The following NEGR1 variants were observed in gnomAD, a reference collection of about 807,000 sequenced individuals.
NEGR1 encodes the protein IgLON family member 4.
NEGR1 carries 10 observed loss-of-function variants against 40.9 expected under a neutral mutation model. That is an observed-to-expected ratio of 0.24 (90% CI 0.15 to 0.42). The LOEUF (loss-of-function observed/expected upper bound fraction) is 0.42, where lower values mean the gene tolerates loss of function less well. NEGR1 is among the 10% of genes least tolerant of loss of function. The pLI is 1.00. For missense variants in NEGR1, 352 were observed against 438.9 expected (o/e 0.80, Z 1.77); for synonymous variants, 185 against 166.8 (o/e 1.11, Z -0.84).
intron 3 of NEGR1, among the ~76,000 whole-genome samples, chr1:71,751,095 G>A (rs1288276986): frequency 6.8e-6 from 1 of 147,634 alleles, no homozygotes; most frequent in Non-Finnish European, 1.5e-5. Context: ...TTTTTTTTTT[G>A]TTCTTTCTTT....
intron 4 of NEGR1, among the ~76,000 whole-genome samples, chr1:71,680,033 T>C (rs772518931): frequency 9.2e-5 from 14 of 152,088 alleles, no homozygotes; most frequent in Non-Finnish European, 1.8e-4. Context: ...ATATCTTGTT[T>C]AGAATCTTTG....
intron 1 of NEGR1, among the ~76,000 whole-genome samples, chr1:72,222,167 T>C (rs1269031734): frequency 6.6e-6 from 1 of 152,008 alleles, no homozygotes; most frequent in Non-Finnish European, 1.5e-5. Flanking sequence ...TCAGCCCCTA[T>C]GGAAATAGGC....
rs184621122 is a variant in NEGR1, at chr1:71,618,964, T to C, written c.668-7818A>G. On this transcript the variant is annotated intron_variant, in intron 4 of 6. Coordinates refer to ENST00000357731, the MANE Select transcript of NEGR1 (RefSeq NM_173808.3). The stretch of plus-strand genomic sequence containing the variant: ...GTATTCTACATCATAGGTTATGTTG[T>C]CCGTGACTTTTAAGGTGAACTGTCA... 1.1e-4 allele frequency among the ~76,000 whole-genome samples: 16 copies of C among 152,264 alleles called. 2 individuals carry two copies. The East Asian group carries it at 3.1e-3, about 29-fold the overall frequency.
rs372988302 is a variant in NEGR1, at chr1:71,489,633, A to G, written c.941-82063T>C. On this transcript the variant is annotated intron_variant, in intron 6 of 6. Transcript: ENST00000357731. ...CATGATTTAATGTCAAGTCTTTCAGACCACAAAATCTGTTCTTCTGCTTAA... is the reference window on the plus strand; with the variant it reads ...CATGATTTAATGTCAAGTCTTTCAGGCCACAAAATCTGTTCTTCTGCTTAA... 11 of 151,978 alleles carry G rather than the reference A, an allele frequency of 7.2e-5. No individual in the cohort carries two copies. The East Asian group carries it at 1.6e-3, about 21-fold the overall frequency. The allele number at this position is 151,978 out of a possible 1,614,324, so 9.4% of individuals were successfully genotyped here. A position where few individuals can be genotyped will look rare whatever the true frequency, so the allele number is the denominator to read the frequency against.
At chr1:71,742,809 G>T (rs142001804) in intron 3 of NEGR1, among the ~76,000 whole-genome samples, 85 of 152,260 alleles carry the variant, frequency 5.6e-4, no homozygotes, top group African/African-American at 1.9e-3. Flanking sequence ...GGGATTAAAT[G>T]AATGTATTTT....
rs796636720 is a variant in NEGR1, at chr1:72,047,855, TAA to T, written c.177-112546_177-112545del. Among the ~76,000 whole-genome samples, 54 of 151,614 alleles carry T rather than the reference TAA, an allele frequency of 3.6e-4. 1 individual carries two copies. The highest frequency in any genetic ancestry group is 1.3e-3 in the African/African-American group (53 of 41,446). On this transcript the variant is annotated intron_variant, in intron 1 of 6. Coordinates refer to ENST00000357731, the MANE Select transcript of NEGR1 (RefSeq NM_173808.3). ...ATTTTTACTACACATTGGTAGACAT[TAA>T]GTCTTTCCTCAAGCAGATGAAATAT...
Position 72,022,260 on chromosome 1 carries a change from C to CATATATATAT in NEGR1, c.177-86959_177-86950dup, listed in dbSNP as rs59160727. Among the ~76,000 whole-genome samples, 187 of 111,626 alleles carry CATATATATAT rather than the reference C, an allele frequency of 1.7e-3. 1 individual carries two copies. Among genetic ancestry groups the CATATATATAT allele is most frequent in the Non-Finnish European group, 2.2e-3 (114 of 51,920 alleles). 73.2% of individuals were successfully genotyped at this position (111,626 alleles called of 152,430 possible). ...ACAATAGAAAATTATAAACAATTTT[C>CATATATATAT]ATATATATATATATATATATATATA... On this transcript the variant is annotated intron_variant, in intron 1 of 6. Transcript: ENST00000357731.
intron 1 of NEGR1, among the ~76,000 whole-genome samples, chr1:72,117,701 A>G (rs1244667459): frequency 6.6e-6 from 1 of 151,728 alleles, no homozygotes; most frequent in Non-Finnish European, 1.5e-5. Context: ...TTTATTCCGC[A>G]ATGGAAAATA....
At chr1:71,834,909 A>ACACACACACAC (rs1553168608) in intron 2 of NEGR1, among the ~76,000 whole-genome samples, 2 of 151,746 alleles carry the variant, frequency 1.3e-5, no homozygotes, top group African/African-American at 2.4e-5. Flanking sequence ...ACACACACAC[A>ACACACACACAC]GCAGTTATCT....
At position 71,799,754 on chromosome 1, in the gene NEGR1, C is replaced by A. The variant is rs540316074; in HGVS notation, c.410-23457G>T. Reference sequence around the variant, plus strand: ...TTGAGATGGAGTCTGGCTCTGTCACCCAGGCTGGAGTGCAGAGGCACGATC... The same window carrying A: ...TTGAGATGGAGTCTGGCTCTGTCACACAGGCTGGAGTGCAGAGGCACGATC... On this transcript the variant is annotated intron_variant, in intron 2 of 6. Transcript: ENST00000357731. Among the ~76,000 whole-genome samples, 205 of 152,106 alleles carry A rather than the reference C, an allele frequency of 1.3e-3. 1 individual carries two copies. The highest frequency in any genetic ancestry group is 4.8e-3 in the African/African-American group (198 of 41,496).
intron 1 of NEGR1, among the ~76,000 whole-genome samples, chr1:72,112,724 A>G (rs996354341): frequency 6.6e-6 from 1 of 151,550 alleles, no homozygotes; most frequent in African/African-American, 2.4e-5. Flanking sequence ...TCTGAAGGTT[A>G]CCAGTAGGCT....
intron 2 of NEGR1, among the ~76,000 whole-genome samples, chr1:71,863,200 A>C (rs1309374014): frequency 1.3e-5 from 2 of 152,208 alleles, no homozygotes; most frequent in Non-Finnish European, 2.9e-5. Flanking sequence ...AATCACTCCA[A>C]ATGCCCATCA....
At chr1:71,646,907 T>C (rs1225657287) in intron 4 of NEGR1, among the ~76,000 whole-genome samples, 1 of 151,584 alleles carries the variant, frequency 6.6e-6, no homozygotes, top group African/African-American at 2.4e-5. Context: ...TTAATATTTC[T>C]ACTAATAATT....
chr1:72,144,074 GAT>G (rs1261345865), intron 1 of NEGR1, among the ~76,000 whole-genome samples: 2 of 2,770 alleles, frequency 7.2e-4, no homozygotes, highest in Non-Finnish European at 2.1e-3. Context: ...TGTGAGGTAA[GAT>G]TTTTTTTTTA....
chr1:71,666,769 A>C (rs558358409), intron 4 of NEGR1, among the ~76,000 whole-genome samples: 1 of 152,308 alleles, frequency 6.6e-6, no homozygotes, highest in South Asian at 2.1e-4. Context: ...AGGGCTGAGT[A>C]ACTCCTGGAT....
chr1:71,611,955 G>T (rs2101543522), intron 4 of NEGR1, among the ~76,000 whole-genome samples: 1 of 152,310 alleles, frequency 6.6e-6, no homozygotes, highest in African/African-American at 2.4e-5. Flanking sequence ...GAGTGCGGTG[G>T]CTCACGCCTG....
chr1:71,888,436 G>T (rs980576980), intron 2 of NEGR1, among the ~76,000 whole-genome samples: 1 of 152,018 alleles, frequency 6.6e-6, no homozygotes, highest in East Asian at 2.0e-4. Flanking sequence ...TTCCCTTTCC[G>T]AGTCAAAGAA....
In NEGR1 at chr1:71,617,621, T is replaced by A. The variant is rs190136811; in HGVS notation, c.668-6475A>T. Among the ~76,000 whole-genome samples, 106 of 152,302 alleles carry A rather than the reference T, an allele frequency of 7.0e-4. 1 individual carries two copies. The highest frequency in any genetic ancestry group is 2.4e-3 in the African/African-American group (101 of 41,568). On this transcript the variant is annotated intron_variant, in intron 4 of 6. Transcript: ENST00000357731. ...CACTATTCGGGTCAAATAGGTCACT[T>A]CTGAATGTAAGTCTACACACCGTGT...
intron 1 of NEGR1, among the ~76,000 whole-genome samples, chr1:72,032,518 A>T (rs1646867222): frequency 6.6e-6 from 1 of 152,192 alleles, no homozygotes. Context: ...TCATTTTTAG[A>T]CTATAATGTT....
Sources: allele counts gnomAD v4.1 joint callset (sites outside exome capture counted in the v4.1 genomes callset), GRCh38; gene constraint gnomAD v4.1.1; transcripts MANE v1.5; gene names NCBI Gene and HGNC (gene_info 2026-07-23, HGNC 2026-07-21).